DNAJA1: variants seen among roughly 807,000 people sequenced by gnomAD.
DNAJA1 encodes dnaJ homolog subfamily A member 1.
In DNAJA1, 26 loss-of-function variants were observed where a neutral mutation model predicts 47.6. That is an observed-to-expected ratio of 0.55 (90% CI 0.40 to 0.76). DNAJA1 has a LOEUF of 0.76. DNAJA1 is among the 30% of genes least tolerant of loss of function. The pLI is 0.00. For missense variants in DNAJA1, 315 were observed against 485.0 expected (o/e 0.65, Z 3.29); for synonymous variants, 165 against 158.4 (o/e 1.04, Z -0.31).
intron 8 of DNAJA1, chr9:33,037,317 CAAAA>C (rs869097293): frequency 5.6e-5 from 9 of 160,566 alleles, no homozygotes; most frequent in Admixed American, 1.7e-4. Flanking sequence ...TTTAAAAAAA[CAAAA>C]AAAAAAAAAA....
chr9:33,033,156 G>T (rs11790788), intron 5 of DNAJA1, among the ~76,000 whole-genome samples: 6 of 147,344 alleles, frequency 4.1e-5, no homozygotes, highest in Non-Finnish European at 7.4e-5. Flanking sequence ...GGGGCACGAA[G>T]TCTCAGTTTA....
At position 33,039,126 on chromosome 9, in the gene DNAJA1, A is replaced by C; in HGVS notation, c.*223A>C. 1.9e-6 allele frequency: 1 copy of C among 529,734 alleles called. No homozygotes were observed. Among genetic ancestry groups the C allele is most frequent in the East Asian group, 3.3e-5 (1 of 30,266 alleles). 32.8% of individuals were successfully genotyped at this position (529,734 alleles called of 1,614,324 possible). On this transcript the variant is annotated 3_prime_UTR_variant, in exon 9 of 9. Coordinates refer to ENST00000330899, the MANE Select transcript of DNAJA1 (RefSeq NM_001539.4). ...GCAAGATGAAGTTTAATACCTGTAA[A>C]AACTACAAAGAAGTTCCCCTAGCAT...
chr9:33,031,090 A>G (rs946893162), intron 5 of DNAJA1, among the ~76,000 whole-genome samples: 2 of 152,214 alleles, frequency 1.3e-5, no homozygotes, highest in Admixed American at 1.3e-4. Flanking sequence ...ATTGGGTCTC[A>G]TAAAAATTCA....
Position 33,030,609 on chromosome 9 carries a change from C to G in DNAJA1, c.585C>G (p.Ser195Arg). 6.2e-7 allele frequency: 1 copy of G among 1,614,062 alleles called. No homozygotes were observed. Among genetic ancestry groups the G allele is most frequent in the Non-Finnish European group, 8.5e-7 (1 of 1,180,000 alleles). ...ERISPKDRCK[S>R]CNGRKIVREK... ...TCAGTCCTAAAGATAGATGTAAAAGCTGCAACGGAAGGAAGATAGTTCGAG... is the reference window on the plus strand; with the variant it reads ...TCAGTCCTAAAGATAGATGTAAAAGGTGCAACGGAAGGAAGATAGTTCGAG... Residue 195 changes from serine (S) to arginine (R), a missense_variant, in exon 5 of 9, where the codon AGC (serine) becomes AGG (arginine). Physicochemically the swap from Ser to Arg is moderately radical, Grantham distance 110. This residue lies in a region of DNAJA1 where 45 missense variants were observed against 93.3 expected (regional missense o/e 0.48). Coordinates refer to ENST00000330899, the MANE Select transcript of DNAJA1 (RefSeq NM_001539.4).
At chr9:33,031,251 C>CA (rs1838956939) in intron 5 of DNAJA1, among the ~76,000 whole-genome samples, 1 of 152,170 alleles carries the variant, frequency 6.6e-6, no homozygotes, top group Non-Finnish European at 1.5e-5. Context: ...CACCCAGCAC[C>CA]ATGCCCGGCT....
chr9:33,034,394 G>GT (rs1283492780), intron 6 of DNAJA1, 64 bp downstream of exon 6: 27 of 1,242,068 alleles, frequency 2.2e-5, no homozygotes, highest in East Asian at 2.4e-5. Flanking sequence ...TTTGTTTTTT[G>GT]TTTTTTTGTT....
intron 3 of DNAJA1, 128 bp from the exon 4 acceptor site, chr9:33,029,757 G>A (rs1374783804): frequency 2.1e-5 from 13 of 622,846 alleles, no homozygotes; most frequent in Middle Eastern, 4.4e-4. Flanking sequence ...GTATATAGTA[G>A]GTAGTCAACA....
chr9:33,025,985 C>T (rs781631004), intron 1 of DNAJA1, among the ~76,000 whole-genome samples: 24 of 152,248 alleles, frequency 1.6e-4, no homozygotes, highest in South Asian at 1.5e-3. Context: ...AAGCCGTGGG[C>T]GGTGGAGGGC....
intron 8 of DNAJA1, 146 bp downstream of exon 8, chr9:33,037,261 C>T (rs541846532): frequency 3.4e-4 from 190 of 566,484 alleles, no homozygotes; most frequent in Non-Finnish European, 5.2e-4. Flanking sequence ...CCCTTGAGCC[C>T]TGGAGTTTTG....
At position 33,036,693 on chromosome 9, in the gene DNAJA1, T is replaced by C. The variant is rs1839040445; in HGVS notation, c.874+4T>C. The C allele has an allele frequency of 1.2e-6, 2 of 1,602,544 alleles. No homozygotes were observed. Among genetic ancestry groups the C allele is most frequent in the Non-Finnish European group, 1.7e-6 (2 of 1,171,488 alleles). On this transcript the variant is annotated splice_donor_region_variant and intron_variant, in intron 7 of 8. Coordinates refer to ENST00000330899, the MANE Select transcript of DNAJA1 (RefSeq NM_001539.4). ...ATCGTCATCACCTCTCATCCAGGTA[T>C]GGGAACTAGGCAAGCTTAAACTTCT... is the stretch of plus-strand genomic sequence containing the variant.
In DNAJA1 at chr9:33,025,832, G is replaced by A. The variant is rs1333459050; in HGVS notation, c.-11+449G>A. ...TGTTTCCCCTCCCTTTGTTTGTTGAGGGCTGGGCTTTCCCCACCGCCACTT... is the reference window on the plus strand; with the variant it reads ...TGTTTCCCCTCCCTTTGTTTGTTGAAGGCTGGGCTTTCCCCACCGCCACTT... On this transcript the variant is annotated intron_variant, in intron 1 of 8. Transcript: ENST00000330899. Among the ~76,000 whole-genome samples, 6 of 152,280 alleles carry A rather than the reference G, an allele frequency of 3.9e-5. No individual in the cohort carries two copies. The East Asian group carries it at 1.2e-3, about 29-fold the overall frequency.
intron 4 of DNAJA1, 67 bp from the exon 5 acceptor site, chr9:33,030,373 T>TCTTAAAACATTTACTACTG (rs1376944405): frequency 2.8e-6 from 4 of 1,453,372 alleles, no homozygotes; most frequent in Non-Finnish European, 3.8e-6. Context: ...GGAATTGTCT[T>TCTTAAAACATTTACTACTG]CTTAAAACAT....
intron 5 of DNAJA1, 41 bp downstream of exon 5, chr9:33,030,708 G>A: frequency 6.7e-7 from 1 of 1,483,928 alleles, no homozygotes. Flanking sequence ...TGAATGCTGT[G>A]GCAGATTTAT....
intron 6 of DNAJA1, 69 bp downstream of exon 6, chr9:33,034,399 T>C (rs1839004842): frequency 1.6e-6 from 2 of 1,254,062 alleles, no homozygotes; most frequent in Non-Finnish European, 2.2e-6. Flanking sequence ...TTTTTGTTTT[T>C]TTGTTTTTTT....
intron 2 of DNAJA1, 40 bp from the exon 3 acceptor site, chr9:33,026,773 T>C: frequency 6.2e-7 from 1 of 1,601,838 alleles, no homozygotes. Context: ...GTAACACTTG[T>C]TTTTTAAAAA....
intron 6 of DNAJA1, among the ~76,000 whole-genome samples, chr9:33,034,531 G>A (rs867405379): frequency 8.5e-5 from 13 of 152,116 alleles, no homozygotes; most frequent in South Asian, 2.1e-4. Flanking sequence ...AGTATGGAAC[G>A]TTGAAAATGT....
In DNAJA1 at chr9:33,037,003, C is replaced by T. The variant is rs769924236; in HGVS notation, c.875-12C>T. 6.2e-7 allele frequency: 1 copy of T among 1,602,622 alleles called. No individual in the cohort carries two copies. ...CCATACTTAAGGAAGAACTTGGCTT[C>T]AATGTTTTTAGGTCAGATTGTCAAG... On this transcript the variant is annotated splice_polypyrimidine_tract_variant and intron_variant, in intron 7 of 8. Transcript: ENST00000330899.
Position 33,039,205 on chromosome 9 carries a change from C to T in DNAJA1, c.*302C>T, listed in dbSNP as rs1472427031. On this transcript the variant is annotated 3_prime_UTR_variant, in exon 9 of 9. Coordinates refer to ENST00000330899, the MANE Select transcript of DNAJA1 (RefSeq NM_001539.4). ...AGCTATGTACGTGGACAAGCTTAGA[C>T]TGAAATGCTAGGTATATGTATTGGC... The T allele has an allele frequency of 2.8e-6, 1 of 358,272 alleles. No homozygotes were observed. Among genetic ancestry groups the T allele is most frequent in the African/African-American group, 2.1e-5 (1 of 47,724 alleles). The allele number at this position is 358,272 out of a possible 1,614,324, so 22.2% of individuals were successfully genotyped here. A position where few individuals can be genotyped will look rare whatever the true frequency, so the allele number is the denominator to read the frequency against.
Position 33,026,702 on chromosome 9 carries a change from AAT to A in DNAJA1, c.132+90_132+91del, listed in dbSNP as rs199639962. 8.8e-4 allele frequency: 1,384 copies of A among 1,566,152 alleles called. 9 individuals are homozygous for A. In the African/African-American group the frequency reaches 0.017, roughly 19 times the overall value. Reference sequence around the variant, plus strand: ...TATTATGGCCTGAAATCGAGTATCTAATATAGTAACTATGATCACTTCTCGGC... The same window carrying A: ...TATTATGGCCTGAAATCGAGTATCTAATAGTAACTATGATCACTTCTCGGC... On this transcript the variant is annotated intron_variant, in intron 2 of 8. Transcript: ENST00000330899.
Sources: allele counts gnomAD v4.1 joint callset (sites outside exome capture counted in the v4.1 genomes callset), GRCh38; gene constraint gnomAD v4.1.1; regional missense constraint gnomAD v4.1.1; transcripts MANE v1.5; gene names NCBI Gene and HGNC (gene_info 2026-07-23, HGNC 2026-07-21).